Variants in INSC observed in about 807,000 individuals in gnomAD.
The protein encoded by INSC is protein inscuteable homolog.
In INSC, 67 loss-of-function variants were observed where a neutral mutation model predicts 58.6. The observed-to-expected ratio is 1.14, with a 90% CI of 0.94 to 1.40. The LOEUF (loss-of-function observed/expected upper bound fraction) is 1.40. INSC is among the 40% of genes most tolerant of loss of function. INSC has a pLI of 0.00. For synonymous variants in INSC, 262 were observed against 276.1 expected (o/e 0.95, Z 0.51); for missense variants, 714 against 692.0 (o/e 1.03, Z -0.36).
chr11:15,246,599 T>C lies in INSC; in HGVS notation c.*559T>C, dbSNP rs990122292. ...CCAGGTTTCATTCCCCAAAAACTTT[T>C]CCAACCATTAAAAGTACACACAGAA... On this transcript the variant is annotated 3_prime_UTR_variant, in exon 13 of 13. Coordinates refer to ENST00000379556, the MANE Select transcript of INSC (RefSeq NM_001042536.3). 1 of 152,720 alleles carries C rather than the reference T, an allele frequency of 6.5e-6. No individual in the cohort carries two copies. The highest frequency in any genetic ancestry group is 2.4e-5 in the African/African-American group (1 of 41,432). 9.5% of individuals were successfully genotyped at this position (152,720 alleles called of 1,614,324 possible).
Position 15,239,007 on chromosome 11 carries a change from A to T in INSC, c.1326A>T (p.Lys442Asn), listed in dbSNP as rs373762888. 1 of 1,614,156 alleles carries T rather than the reference A, an allele frequency of 6.2e-7. No homozygotes were observed. Among genetic ancestry groups the T allele is most frequent in the Non-Finnish European group, 8.5e-7 (1 of 1,180,008 alleles). Reference protein sequence around the residue: ...EVAACERVQQKAAVTLARLSR... With the variant: ...EVAACERVQQNAAVTLARLSR... ...CAGCCTGTGAGCGAGTCCAGCAGAA[A>T]GCTGCAGTGACCCTGGCTCGTCTCA... Residue 442 changes from lysine (K) to asparagine (N), a missense_variant, in exon 11 of 13, where the codon AAA becomes AAT. Transcript: ENST00000379556.
intron 2 of INSC, among the ~76,000 whole-genome samples, chr11:15,149,934 G>A (rs1228953494): frequency 6.6e-6 from 1 of 152,212 alleles, no homozygotes; most frequent in Non-Finnish European, 1.5e-5. Context: ...TAGGAGGCAA[G>A]GCATGATTTC....
intron 2 of INSC, among the ~76,000 whole-genome samples, chr11:15,171,465 C>G (rs1849394239): frequency 6.6e-6 from 1 of 152,164 alleles, no homozygotes; most frequent in Non-Finnish European, 1.5e-5. Context: ...CCCTCTCTTC[C>G]AGAATGTACA....
chr11:15,236,731 C>T (rs942214693), intron 10 of INSC, among the ~76,000 whole-genome samples: 7 of 152,294 alleles, frequency 4.6e-5, no homozygotes, highest in East Asian at 1.9e-4. Flanking sequence ...AAACCAGAGA[C>T]GCTAATGAGG....
chr11:15,221,327 T>C, intron 7 of INSC, 150 bp from the exon 8 acceptor site: 1 of 847,218 alleles, frequency 1.2e-6, no homozygotes, highest in Non-Finnish European at 1.8e-6. Context: ...CACTGGATTG[T>C]CCCTGGTTCC....
chr11:15,115,063 T>A (rs1847659532), intron 1 of INSC, 60 bp downstream of exon 1: 1 of 958,708 alleles, frequency 1.0e-6, no homozygotes, highest in South Asian at 4.8e-5. Flanking sequence ...GCTAGCCTAG[T>A]TGGGAACAGT....
rs189431764 is a variant in INSC, at chr11:15,194,907, G to A, written c.693+4093G>A. Among the ~76,000 whole-genome samples, 677 of 152,266 alleles carry A rather than the reference G, an allele frequency of 4.4e-3. 5 individuals are homozygous for A. The highest frequency in any genetic ancestry group is 0.015 in the African/African-American group (629 of 41,546). On this transcript the variant is annotated intron_variant, in intron 6 of 12. Transcript: ENST00000379556. ...AGTTCTCAATCCTGGATACACAATC[G>A]AACTACTAGGGAGCTTTAAAATTTT...
chr11:15,187,442 T>C (rs1850010433), intron 5 of INSC, among the ~76,000 whole-genome samples: 1 of 152,172 alleles, frequency 6.6e-6, no homozygotes, highest in Non-Finnish European at 1.5e-5. Flanking sequence ...GCTACTCTAC[T>C]ATGTCTGACT....
upstream of INSC, chr11:15,112,707 C>A (rs1847598830): frequency 1.8e-6 from 1 of 549,776 alleles, no homozygotes; most frequent in Non-Finnish European, 3.0e-6. Context: ...AAGTCTGTTC[C>A]TCTCTTACCC....
At chr11:15,157,112 T>C (rs139507958) in intron 2 of INSC, among the ~76,000 whole-genome samples, 3 of 152,316 alleles carry the variant, frequency 2.0e-5, no homozygotes, top group Non-Finnish European at 2.9e-5. Flanking sequence ...ACTTGAGGAA[T>C]AGGCAACTTC....
intron 1 of INSC, among the ~76,000 whole-genome samples, chr11:15,132,176 C>CA (rs1232308719): frequency 6.6e-6 from 1 of 152,116 alleles, no homozygotes; most frequent in Non-Finnish European, 1.5e-5. Context: ...TTTCTTCCCC[C>CA]AAAATAGAAC....
intron 1 of INSC, among the ~76,000 whole-genome samples, chr11:15,143,547 G>A (rs1197634418): frequency 2.0e-5 from 3 of 152,182 alleles, no homozygotes; most frequent in Non-Finnish European, 4.4e-5. Flanking sequence ...CCATGGCAGG[G>A]TTTGGTCTTT....
chr11:15,186,623 G>A (rs1629709), intron 5 of INSC, among the ~76,000 whole-genome samples: 111,788 of 152,096 alleles, frequency 0.73, 41,797 homozygotes, highest in East Asian at 0.99. Flanking sequence ...CATCTGACCA[G>A]TAGCTCATCT....
the INSC span, among the ~76,000 whole-genome samples, chr11:15,253,901 C>T: frequency 3.9e-4 from 59 of 151,948 alleles, no homozygotes; most frequent in Non-Finnish European, 7.1e-4. Flanking sequence ...TATCTATGTT[C>T]TGGGTAAGAA....
chr11:15,207,180 T>TG (rs1167265421), intron 7 of INSC, among the ~76,000 whole-genome samples: 1 of 151,526 alleles, frequency 6.6e-6, no homozygotes, highest in Admixed American at 6.6e-5. Context: ...CCAAAAGGAG[T>TG]GGGGGGCACT....
intron 1 of INSC, among the ~76,000 whole-genome samples, chr11:15,115,540 C>G (rs931109111): frequency 2.6e-5 from 4 of 152,184 alleles, no homozygotes; most frequent in Admixed American, 2.0e-4. Flanking sequence ...AGGACAGAAG[C>G]TCAGAGCCCT....
At chr11:15,254,047 A>G in the INSC span, among the ~76,000 whole-genome samples, 1 of 152,184 alleles carries the variant, frequency 6.6e-6, no homozygotes, top group South Asian at 2.1e-4. Context: ...GATGGTATTT[A>G]TTGAGTGCCT....
rs764868938 is a variant in INSC at position 15,225,671 on chromosome 11, CA to C, written c.1014del (p.Glu340LysfsTer27). 1 of 1,614,156 alleles carries C rather than the reference CA, an allele frequency of 6.2e-7. No individual in the cohort carries two copies. Among genetic ancestry groups the C allele is most frequent in the Non-Finnish European group, 8.5e-7 (1 of 1,180,006 alleles). On this transcript the variant is annotated frameshift_variant, in exon 9 of 13. Coordinates refer to ENST00000379556, the MANE Select transcript of INSC (RefSeq NM_001042536.3). LOFTEE classifies it high-confidence loss of function. ...CCAGAACTGTGCCAAGAGGCCTCATCAGGGGAAGTCTTCCTACTGGCCTCTG... is the reference window on the plus strand; with the variant it reads ...CCAGAACTGTGCCAAGAGGCCTCATCGGGGAAGTCTTCCTACTGGCCTCTG... ...ALVKLCQEAS[S>X]GEVFLLASAA...
Position 15,210,505 on chromosome 11 carries a change from TTGTGTGTGTGTGTG to T in INSC, c.819+9585_819+9598del, listed in dbSNP as rs56375160. 1.5e-4 allele frequency among the ~76,000 whole-genome samples: 21 copies of T among 135,564 alleles called. No individual in the cohort carries two copies. The South Asian group carries it at 2.0e-3, about 13-fold the overall frequency. The allele number at this position is 135,564 out of a possible 152,430, so 88.9% of individuals were successfully genotyped here. A position where few individuals can be genotyped will look rare whatever the true frequency, so the allele number is the denominator to read the frequency against. On this transcript the variant is annotated intron_variant, in intron 7 of 12. Coordinates refer to ENST00000379556, the MANE Select transcript of INSC (RefSeq NM_001042536.3). ...TAGATGGAGCTCTGCATTTGAGAGT[TTGTGTGTGTGTGTG>T]TGTGTGTGTGTGTGTGTGTGTGTGT...
Sources: allele counts gnomAD v4.1 joint callset (sites outside exome capture counted in the v4.1 genomes callset), GRCh38; gene constraint gnomAD v4.1.1; transcripts MANE v1.5; gene names NCBI Gene and HGNC (gene_info 2026-07-23, HGNC 2026-07-21).